Variants in BRD7 observed in about 807,000 individuals in gnomAD.
The protein encoded by BRD7 is bromodomain-containing protein 7.
In BRD7, 15 loss-of-function variants were observed where a neutral mutation model predicts 82.1. The ratio of observed to expected loss-of-function variants is 0.18; its 90% confidence interval spans 0.12 to 0.28. The LOEUF (loss-of-function observed/expected upper bound fraction) is 0.28, where lower values mean the gene tolerates loss of function less well. Ranked by LOEUF, BRD7 falls within the 10% of genes least tolerant of loss-of-function variation. BRD7 has a pLI of 1.00. For missense variants in BRD7, 638 were observed against 779.9 expected (o/e 0.82, Z 2.17); for synonymous variants, 232 against 266.9 (o/e 0.87, Z 1.27).
At chr16:50,320,169 A>C (rs969469631) in intron 15 of BRD7, 79 bp downstream of exon 15, 119 of 1,545,206 alleles carry the variant, frequency 7.7e-5, no homozygotes, top group Non-Finnish European at 1.0e-4. Context: ...ATTACTCTAT[A>C]GTGGCATCAC....
chr16:50,368,555 G>A, intron 1 of BRD7, 171 bp downstream of exon 1: 1 of 749,344 alleles, frequency 1.3e-6, no homozygotes. Flanking sequence ...GGGTTCGAAT[G>A]CCGCGGCCGC....
Position 50,320,656 on chromosome 16 carries a change from C to CACTT in BRD7, c.1612+3_1612+6dup. On this transcript the variant is annotated splice_region_variant and intron_variant, in intron 14 of 16. Transcript: ENST00000394688. Reference sequence around the variant, plus strand: ...GTGTTTCAATCAAACCCTCTGGAGACACTTACCTTCAGAGTCAAAAACTTC... The same window carrying CACTT: ...GTGTTTCAATCAAACCCTCTGGAGACACTTACTTACCTTCAGAGTCAAAAACTTC... The CACTT allele has an allele frequency of 1.2e-6, 2 of 1,602,264 alleles. No homozygotes were observed. Among genetic ancestry groups the CACTT allele is most frequent in the African/African-American group, 1.3e-5 (1 of 74,790 alleles).
chr16:50,368,650 C>G (rs540206960), intron 1 of BRD7, 76 bp downstream of exon 1: 1 of 1,482,210 alleles, frequency 6.7e-7, no homozygotes, highest in South Asian at 1.2e-5. Flanking sequence ...CGGGCCGCCC[C>G]GGAGCCACTG....
At chr16:50,339,826 T>G in intron 6 of BRD7, 150 bp downstream of exon 6, 1 of 399,144 alleles carries the variant, frequency 2.5e-6, no homozygotes, top group East Asian at 4.0e-5. Flanking sequence ...TTATTAAAAT[T>G]TTTTTCATTT....
rs201820448 is a variant in BRD7 at position 50,322,024 on chromosome 16, A to G, written c.1458T>C (p.Asp486=). 82 of 1,610,962 alleles carry G rather than the reference A, an allele frequency of 5.1e-5. No individual in the cohort carries two copies. The East Asian group carries it at 1.7e-3, about 34-fold the overall frequency. The change falls in exon 13 of 17, where the codon GAT becomes GAC. Residue 486 remains aspartate (D), a synonymous_variant. Coordinates refer to ENST00000394688, the MANE Select transcript of BRD7 (RefSeq NM_013263.5). ...TGTCAAGTGTCCTAGTATGGCCTTC[A>G]TCTTCAGGCAATGACTATAAGGATG... ...LQEMEMSLPE[D]EGHTRTLDTA... is the part of the protein sequence containing the mutation.
intron 5 of BRD7, among the ~76,000 whole-genome samples, chr16:50,342,097 T>C (rs2038087767): frequency 6.6e-6 from 1 of 152,106 alleles, no homozygotes; most frequent in South Asian, 2.1e-4. Flanking sequence ...TGATAAACCC[T>C]AACCTGCTTA....
intron 4 of BRD7, among the ~76,000 whole-genome samples, chr16:50,351,533 T>C (rs2038523933): frequency 6.6e-6 from 1 of 152,236 alleles, no homozygotes; most frequent in Non-Finnish European, 1.5e-5. Context: ...GAGCCCCATC[T>C]AGTTTTGACC....
At chr16:50,356,012 C>CA (rs2038717464) in intron 2 of BRD7, among the ~76,000 whole-genome samples, 1 of 152,044 alleles carries the variant, frequency 6.6e-6, no homozygotes, top group Admixed American at 6.5e-5. Flanking sequence ...TAAGTGATAT[C>CA]ACAGGTAACT....
At chr16:50,357,245 A>G (rs2038771180) in intron 2 of BRD7, among the ~76,000 whole-genome samples, 1 of 152,154 alleles carries the variant, frequency 6.6e-6, no homozygotes, top group Admixed American at 6.5e-5. Flanking sequence ...TGTTGCTGGT[A>G]CAGGGACCAC....
At chr16:50,319,752 G>C in intron 16 of BRD7, 135 bp downstream of exon 16, 1 of 1,095,160 alleles carries the variant, frequency 9.1e-7, no homozygotes, top group Non-Finnish European at 1.3e-6. Context: ...TTAGGGACTT[G>C]AGCATCTACA....
rs71138063 is a variant in BRD7 at position 50,337,256 on chromosome 16, CTTTTTTTTTT to C, written c.703-2371_703-2362del. Among the ~76,000 whole-genome samples, 17 of 93,254 alleles carry C rather than the reference CTTTTTTTTTT, an allele frequency of 1.8e-4. No homozygotes were observed. The Admixed American group carries it at 2.0e-3, about 11-fold the overall frequency. 61.2% of individuals were successfully genotyped at this position (93,254 alleles called of 152,430 possible). A position where few individuals can be genotyped will look rare whatever the true frequency, so the allele number is the denominator to read the frequency against. Reference sequence around the variant, plus strand: ...AGTTACTCTTCATCTGTTCATTCTTCTTTTTTTTTTTTTTTTTTTTTGAGACGGAGTTTCC... The same window carrying C: ...AGTTACTCTTCATCTGTTCATTCTTCTTTTTTTTTTTGAGACGGAGTTTCC... On this transcript the variant is annotated intron_variant, in intron 6 of 16. Coordinates refer to ENST00000394688, the MANE Select transcript of BRD7 (RefSeq NM_013263.5).
chr16:50,354,363 T>G, intron 4 of BRD7, 62 bp downstream of exon 4: 1 of 1,396,142 alleles, frequency 7.2e-7, no homozygotes, highest in Non-Finnish European at 1.0e-6. Flanking sequence ...CAAATGTGGT[T>G]TGGATCCTAC....
intron 1 of BRD7, 131 bp downstream of exon 1, chr16:50,368,595 G>T (rs2039247865): frequency 1.0e-6 from 1 of 978,596 alleles, no homozygotes; most frequent in Non-Finnish European, 1.4e-6. Context: ...CCGGCAGGAC[G>T]CGCCCCCTTC....
intron 15 of BRD7, 38 bp downstream of exon 15, chr16:50,320,210 C>T: frequency 1.3e-6 from 2 of 1,579,326 alleles, no homozygotes; most frequent in Non-Finnish European, 1.7e-6. Flanking sequence ...TTCTTTGAAG[C>T]ATCCCGTGAC....
intron 5 of BRD7, among the ~76,000 whole-genome samples, 182 bp from the exon 6 acceptor site, chr16:50,340,268 A>G (rs75294451): frequency 0.016 from 2,405 of 152,338 alleles, 55 homozygotes; most frequent in African/African-American, 0.054. Context: ...AAATACTGCT[A>G]AATGTATTTA....
At chr16:50,359,566 A>G (rs2038864030) in intron 2 of BRD7, among the ~76,000 whole-genome samples, 1 of 152,222 alleles carries the variant, frequency 6.6e-6, no homozygotes, top group Non-Finnish European at 1.5e-5. Context: ...TGTTCATTAA[A>G]TAACTCATTC....
At chr16:50,326,457 G>T in intron 9 of BRD7, 66 bp from the exon 10 acceptor site, 1 of 1,133,992 alleles carries the variant, frequency 8.8e-7, no homozygotes, top group Non-Finnish European at 1.2e-6. Context: ...GCCCTCTGCC[G>T]AGTGACTCCG....
rs753397091 is a variant in BRD7, at chr16:50,322,027, T to C, written c.1455A>G (p.Glu485=). ...TLQEMEMSLP[E]DEGHTRTLDT... ...CAAGTGTCCTAGTATGGCCTTCATC[T>C]TCAGGCAATGACTATAAGGATGAAG... is the stretch of plus-strand genomic sequence containing the variant. The change falls in exon 13 of 17, where the codon GAA becomes GAG. Residue 485 remains glutamate, a synonymous_variant. Transcript: ENST00000394688. 6.2e-7 allele frequency: 1 copy of C among 1,610,862 alleles called. No homozygotes were observed. The highest frequency in any genetic ancestry group is 8.5e-7 in the Non-Finnish European group (1 of 1,179,334).
chr16:50,319,376 T>G, intron 16 of BRD7, 110 bp from the exon 17 acceptor site: 1 of 961,424 alleles, frequency 1.0e-6, no homozygotes, highest in African/African-American at 1.7e-5. Flanking sequence ...GAGCCCTTCT[T>G]CACCACATCC....
Sources: allele counts gnomAD v4.1 joint callset (sites outside exome capture counted in the v4.1 genomes callset), GRCh38; gene constraint gnomAD v4.1.1; transcripts MANE v1.5; gene names NCBI Gene and HGNC (gene_info 2026-07-23, HGNC 2026-07-21).